Variants in RAB3B observed in about 807,000 individuals in gnomAD.
The protein encoded by RAB3B is ras-related protein Rab-3B.
A neutral mutation model predicts 20.5 loss-of-function variants in RAB3B; 11 were observed. The ratio of observed to expected loss-of-function variants is 0.54; its 90% CI spans 0.34 to 0.89. The LOEUF is 0.89. Among genes scored for constraint, RAB3B ranks in the 40% least tolerant of loss-of-function variants. The pLI, the probability that RAB3B is intolerant of heterozygous loss-of-function variation, is 0.02. For missense variants in RAB3B, 225 were observed against 280.9 expected (o/e 0.80, Z 1.42); for synonymous variants, 99 against 106.3 (o/e 0.93, Z 0.42).
In RAB3B at chr1:51,910,170, C is replaced by T. The variant is rs1398678960; in HGVS notation, c.*9757G>A. On this transcript the variant is annotated 3_prime_UTR_variant, in exon 5 of 5. Coordinates refer to ENST00000371655, the MANE Select transcript of RAB3B (RefSeq NM_002867.4). ...TAGGCTTAACTATTCTGCCTTATGA[C>T]CTTCTGAAACCTCATCCTGTGGTCT... The T allele has an allele frequency of 6.6e-6, 1 of 152,150 alleles. No homozygotes were observed. Among genetic ancestry groups the T allele is most frequent in the Non-Finnish European group, 1.5e-5 (1 of 68,036 alleles). The allele number at this position is 152,150 out of a possible 1,614,324, so 9.4% of individuals were successfully genotyped here.
At chr1:51,956,476 A>T (rs1170707488) in intron 2 of RAB3B, among the ~76,000 whole-genome samples, 2 of 152,150 alleles carry the variant, frequency 1.3e-5, no homozygotes. Context: ...GCCTGCTAGG[A>T]TGCTAAACTT....
chr1:51,977,269 C>T (rs1272426548), intron 1 of RAB3B, 152 bp from the exon 2 acceptor site: 1 of 635,522 alleles, frequency 1.6e-6, no homozygotes, highest in Non-Finnish European at 2.8e-6. Context: ...CCCATCACTA[C>T]ACCTGCCCCA....
At chr1:51,945,517 T>A (rs1222614678) in intron 2 of RAB3B, among the ~76,000 whole-genome samples, 2 of 152,182 alleles carry the variant, frequency 1.3e-5, no homozygotes, top group African/African-American at 4.8e-5. Context: ...CTGCAACATA[T>A]CCGAGGTATG....
At chr1:51,984,996 T>TA (rs1414092704) in intron 1 of RAB3B, among the ~76,000 whole-genome samples, 1 of 152,202 alleles carries the variant, frequency 6.6e-6, no homozygotes, top group Admixed American at 6.5e-5. Context: ...TGAAAAAGTT[T>TA]AAAATCAATG....
chr1:51,915,357 C>T lies in RAB3B; in HGVS notation c.*4570G>A, dbSNP rs1328798345. ...GTGATCCAGGACCTAGTCCTGGCTC[C>T]ATCACTGTGATACTCTCAGAATAAT... On this transcript the variant is annotated 3_prime_UTR_variant, in exon 5 of 5. Coordinates refer to ENST00000371655, the MANE Select transcript of RAB3B (RefSeq NM_002867.4). 1 of 152,078 alleles carries T rather than the reference C, an allele frequency of 6.6e-6. No homozygotes were observed. The highest frequency in any genetic ancestry group is 1.5e-5 in the Non-Finnish European group (1 of 68,008). 9.4% of individuals were successfully genotyped at this position (152,078 alleles called of 1,614,324 possible).
At chr1:51,989,092 C>A (rs1685186192) in intron 1 of RAB3B, among the ~76,000 whole-genome samples, 2 of 127,730 alleles carry the variant, frequency 1.6e-5, no homozygotes, top group African/African-American at 2.9e-5. Context: ...TGGACACCCA[C>A]CTGTGCGCGC....
chr1:51,989,103 G>GCACACACACACACACACACACACACA (rs60307928), intron 1 of RAB3B, among the ~76,000 whole-genome samples: 4 of 132,762 alleles, frequency 3.0e-5, no homozygotes, highest in East Asian at 2.5e-4. Flanking sequence ...CTGTGCGCGC[G>GCACACACACACACACACACACACACA]CACACACACA....
chr1:51,926,411 G>A (rs1000056961), intron 4 of RAB3B, among the ~76,000 whole-genome samples: 1 of 152,152 alleles, frequency 6.6e-6, no homozygotes, highest in Admixed American at 6.5e-5. Context: ...CATTGACATC[G>A]AGTTTGATTA....
In RAB3B at chr1:51,912,352, T is replaced by A. The variant is rs1341489460; in HGVS notation, c.*7575A>T. The A allele has an allele frequency of 6.7e-6, 1 of 149,834 alleles. No homozygotes were observed. Among genetic ancestry groups the A allele is most frequent in the African/African-American group, 2.4e-5 (1 of 40,820 alleles). The allele number at this position is 149,834 out of a possible 1,614,324, so 9.3% of individuals were successfully genotyped here. A position where few individuals can be genotyped will look rare whatever the true frequency, so the allele number is the denominator to read the frequency against. ...TTTCACCGTCTTGCCAAGGTTTGGA[T>A]TGTTTTTGTGTGAAGTAAACCTCAG... is the stretch of plus-strand genomic sequence containing the variant. On this transcript the variant is annotated 3_prime_UTR_variant, in exon 5 of 5. Transcript: ENST00000371655.
chr1:51,989,103 G>GCA (rs60307928), intron 1 of RAB3B, among the ~76,000 whole-genome samples: 1,850 of 132,752 alleles, frequency 0.014, 53 homozygotes, highest in South Asian at 0.062. Flanking sequence ...CTGTGCGCGC[G>GCA]CACACACACA....
chr1:51,946,684 T>C (rs1489087899), intron 2 of RAB3B, among the ~76,000 whole-genome samples: 1 of 152,252 alleles, frequency 6.6e-6, no homozygotes, highest in African/African-American at 2.4e-5. Flanking sequence ...CACTATGTTC[T>C]GAGCACTTTG....
chr1:51,914,133 G>A lies in RAB3B; in HGVS notation c.*5794C>T, dbSNP rs141715560. The A allele has an allele frequency of 4.0e-4, 61 of 152,302 alleles. No individual in the cohort carries two copies. Among genetic ancestry groups the A allele is most frequent in the African/African-American group, 1.3e-3 (55 of 41,558 alleles). 9.4% of individuals were successfully genotyped at this position (152,302 alleles called of 1,614,324 possible). A position where few individuals can be genotyped will look rare whatever the true frequency, so the allele number is the denominator to read the frequency against. ...TGTAAGTTTTGGAGTGGTTGGTTAC[G>A]TCCTTCAGAAAACAACAATGAACTC... On this transcript the variant is annotated 3_prime_UTR_variant, in exon 5 of 5. Coordinates refer to ENST00000371655, the MANE Select transcript of RAB3B (RefSeq NM_002867.4).
At chr1:51,929,470 T>C (rs1435603651) in intron 4 of RAB3B, among the ~76,000 whole-genome samples, 2 of 151,972 alleles carry the variant, frequency 1.3e-5, no homozygotes, top group African/African-American at 2.4e-5. Flanking sequence ...TGGGACTACA[T>C]GCTCGGCTAA....
rs1484255825 is a variant in RAB3B, at chr1:51,916,865, C to T, written c.*3062G>A. The T allele has an allele frequency of 1.3e-5, 2 of 152,202 alleles. No homozygotes were observed. Among genetic ancestry groups the T allele is most frequent in the African/African-American group, 4.8e-5 (2 of 41,462 alleles). 9.4% of individuals were successfully genotyped at this position (152,202 alleles called of 1,614,324 possible). ...AATTTGTTAACAGATTAGAGATATACATCTTTTCTCCAGTGGACTTGGAAT... is the reference window on the plus strand; with the variant it reads ...AATTTGTTAACAGATTAGAGATATATATCTTTTCTCCAGTGGACTTGGAAT... On this transcript the variant is annotated 3_prime_UTR_variant, in exon 5 of 5. Transcript: ENST00000371655.
chr1:51,987,145 A>G (rs1320270441), intron 1 of RAB3B, among the ~76,000 whole-genome samples: 3 of 152,214 alleles, frequency 2.0e-5, no homozygotes, highest in African/African-American at 4.8e-5. Context: ...GGCAGAAATA[A>G]GCACCTAAGG....
At chr1:51,961,353 A>T (rs1684781446) in intron 2 of RAB3B, among the ~76,000 whole-genome samples, 1 of 152,082 alleles carries the variant, frequency 6.6e-6, no homozygotes, top group Non-Finnish European at 1.5e-5. Flanking sequence ...CGTTTCTGAG[A>T]GTGTTTGTTT....
At chr1:51,972,458 A>G (rs1684950524) in intron 2 of RAB3B, among the ~76,000 whole-genome samples, 1 of 149,624 alleles carries the variant, frequency 6.7e-6, no homozygotes. Flanking sequence ...ACCTAATCCT[A>G]TACAGTATAC....
Position 51,909,070 on chromosome 1 carries a change from G to A in RAB3B, c.*10857C>T. On this transcript the variant is annotated 3_prime_UTR_variant, in exon 5 of 5. Coordinates refer to ENST00000371655, the MANE Select transcript of RAB3B (RefSeq NM_002867.4). ...GTTCATCCAGGCCCAGCATGTAGTG[G>A]CTGATTCTTCTTGGCTGCTTTTAGC... 1 of 152,452 alleles carries A rather than the reference G, an allele frequency of 6.6e-6. No homozygotes were observed. Among genetic ancestry groups the A allele is most frequent in the Non-Finnish European group, 1.5e-5 (1 of 68,128 alleles). The allele number at this position is 152,452 out of a possible 1,614,324, so 9.4% of individuals were successfully genotyped here. A position where few individuals can be genotyped will look rare whatever the true frequency, so the allele number is the denominator to read the frequency against.
In RAB3B at chr1:51,912,542, T is replaced by TAA. The variant is rs61590258; in HGVS notation, c.*7383_*7384dup. On this transcript the variant is annotated 3_prime_UTR_variant, in exon 5 of 5. Coordinates refer to ENST00000371655, the MANE Select transcript of RAB3B (RefSeq NM_002867.4). Reference sequence around the variant, plus strand: ...GGCAACATAGCAAGACCGTCTCTATTAAAAAAAAAAAAATATATATATATA... The same window carrying TAA: ...GGCAACATAGCAAGACCGTCTCTATTAAAAAAAAAAAAAAATATATATATATA... 451 of 6,376 alleles carry TAA rather than the reference T, an allele frequency of 0.071. 99 individuals are homozygous for TAA. The highest frequency in any genetic ancestry group is 0.14 in the South Asian group (14 of 98). The allele number at this position is 6,376 out of a possible 1,614,324, so 0.4% of individuals were successfully genotyped here.
Sources: allele counts gnomAD v4.1 joint callset (sites outside exome capture counted in the v4.1 genomes callset), GRCh38; gene constraint gnomAD v4.1.1; transcripts MANE v1.5; gene names NCBI Gene and HGNC (gene_info 2026-07-23, HGNC 2026-07-21).